Variants in TULP3 observed in about 807,000 individuals in gnomAD.
The protein encoded by TULP3 is TUB like protein 3.
In TULP3, 38 loss-of-function variants were observed where a neutral mutation model predicts 50.7. The observed-to-expected ratio is 0.75, with a 90% confidence interval of 0.58 to 0.98. The LOEUF is 0.98. Ranked by LOEUF, TULP3 falls within the 50% of genes least tolerant of loss-of-function variation. The pLI, the probability that TULP3 is intolerant of heterozygous loss-of-function variation, is 0.00. For synonymous variants in TULP3, 183 were observed against 196.6 expected, an observed-to-expected ratio of 0.93 and a Z score of 0.58; for missense variants, 550 against 568.0, an observed-to-expected ratio of 0.97 and a Z score of 0.32.
At chr12:2,930,928 C>A in intron 5 of TULP3, 109 bp from the exon 6 acceptor site, 1 of 1,190,340 alleles carries the variant, frequency 8.4e-7, no homozygotes, top group Non-Finnish European at 1.3e-6. Flanking sequence ...TGTCAGAAGA[C>A]TGAAGACACG....
At chr12:2,931,677 T>C (rs10774083) in intron 6 of TULP3, among the ~76,000 whole-genome samples, 72,107 of 151,584 alleles carry the variant, frequency 0.48, 17,555 homozygotes, top group African/African-American at 0.59. Flanking sequence ...CTAGAAGTTC[T>C]AATTTATTTT....
At chr12:2,913,399 G>A (rs1025299924) in intron 2 of TULP3, among the ~76,000 whole-genome samples, 50 of 151,516 alleles carry the variant, frequency 3.3e-4, no homozygotes, top group African/African-American at 1.2e-3. Context: ...AGGCATGCAC[G>A]ACCACACTTG....
rs781361120 is a variant in TULP3, at chr12:2,933,395, A to G, written c.697-23A>G. 9.1e-6 allele frequency: 14 copies of G among 1,538,408 alleles called. 1 individual carries two copies. Among genetic ancestry groups the G allele is most frequent in the Middle Eastern group, 3.4e-4 (2 of 5,952 alleles). ...GCAGGTTCTCTGGACTTCATTTTTG[A>G]CTGACACTTTTTCTTTTCCCAGATA... On this transcript the variant is annotated intron_variant, in intron 6 of 10. Transcript: ENST00000448120.
chr12:2,911,477 C>T (rs1390649226), intron 2 of TULP3, among the ~76,000 whole-genome samples: 1 of 151,548 alleles, frequency 6.6e-6, no homozygotes, highest in Non-Finnish European at 1.5e-5. Flanking sequence ...CTCAGCCTCC[C>T]AAGTAGCTAG....
At chr12:2,937,567 T>C (rs756837593) in intron 8 of TULP3, 64 bp from the exon 9 acceptor site, 7 of 1,147,950 alleles carry the variant, frequency 6.1e-6, no homozygotes, top group Admixed American at 2.0e-5. Context: ...TCTCATGTTA[T>C]AAAAGAATGT....
At chr12:2,915,912 A>G (rs1445923189) in intron 2 of TULP3, among the ~76,000 whole-genome samples, 2 of 152,274 alleles carry the variant, frequency 1.3e-5, no homozygotes, top group East Asian at 3.9e-4. Flanking sequence ...GTGGTTGGTC[A>G]GTCTGTTGGA....
chr12:2,935,287 T>C (rs1195095607), intron 8 of TULP3, among the ~76,000 whole-genome samples: 1 of 152,246 alleles, frequency 6.6e-6, no homozygotes, highest in Non-Finnish European at 1.5e-5. Context: ...TTTTCCTCTT[T>C]CTGGCCTTTT....
chr12:2,922,310 C>T lies in TULP3; in HGVS notation c.302C>T (p.Pro101Leu). ...AVLKPDEVHA[P>L]SVSSSVVEED... Reference sequence around the variant, plus strand: ...CTGAAACCAGACGAAGTTCATGCTCCATCAGTAAGCTCCTCTGTTGTGGAA... The same window carrying T: ...CTGAAACCAGACGAAGTTCATGCTCTATCAGTAAGCTCCTCTGTTGTGGAA... The change falls in exon 4 of 11, where the codon CCA (proline) becomes CTA (leucine). Residue 101 changes from proline to leucine, a missense_variant. Physicochemically the swap from Pro to Leu is moderately conservative, Grantham distance 98. Transcript: ENST00000448120. The T allele has an allele frequency of 1.2e-6, 2 of 1,614,100 alleles. No individual in the cohort carries two copies.
chr12:2,937,874 C>A, intron 9 of TULP3, 145 bp downstream of exon 9: 2 of 871,376 alleles, frequency 2.3e-6, no homozygotes, highest in Non-Finnish European at 3.5e-6. Flanking sequence ...AGGAAAGCTG[C>A]CCCTCCAAAA....
chr12:2,940,234 G>C lies in TULP3; in HGVS notation c.*790G>C. ...GCTATATGACTACGGATCCATTAGTGAGGAGCGACACACACACCTGTAGGC... is the reference window on the plus strand; with the variant it reads ...GCTATATGACTACGGATCCATTAGTCAGGAGCGACACACACACCTGTAGGC... On this transcript the variant is annotated 3_prime_UTR_variant, in exon 11 of 11. Coordinates refer to ENST00000448120, the MANE Select transcript of TULP3 (RefSeq NM_003324.5). 1 of 1,356,554 alleles carries C rather than the reference G, an allele frequency of 7.4e-7. No individual in the cohort carries two copies. Among genetic ancestry groups the C allele is most frequent in the South Asian group, 1.2e-5 (1 of 81,574 alleles). 84.0% of individuals were successfully genotyped at this position (1,356,554 alleles called of 1,614,324 possible).
At position 2,929,104 on chromosome 12, in the gene TULP3, G is replaced by T. The variant is rs560185434; in HGVS notation, c.395-1144G>T. ...TGGGCCGAGACGGGCGGATCACGAG[G>T]TCAGGAGATAGAGACCATCCTGGCT... is the stretch of plus-strand genomic sequence containing the variant. On this transcript the variant is annotated intron_variant, in intron 4 of 10. Coordinates refer to ENST00000448120, the MANE Select transcript of TULP3 (RefSeq NM_003324.5). Among the ~76,000 whole-genome samples the T allele has an allele frequency of 4.6e-5, 7 of 151,546 alleles. No homozygotes were observed. In the South Asian group the frequency reaches 1.5e-3, roughly 32 times the overall value.
intron 1 of TULP3, among the ~76,000 whole-genome samples, chr12:2,897,586 CATAGTG>C (rs973097623): frequency 1.1e-4 from 16 of 151,828 alleles, no homozygotes; most frequent in Non-Finnish European, 2.2e-4. Flanking sequence ...GCCTGGGCAA[CATAGTG>C]AGACCCCCTG....
At chr12:2,930,128 GT>G (rs1402525930) in intron 4 of TULP3, 119 bp from the exon 5 acceptor site, 2 of 677,618 alleles carry the variant, frequency 3.0e-6, no homozygotes, top group Admixed American at 3.0e-5. Context: ...GGACAAAATA[GT>G]TGTGTTTACG....
Position 2,939,238 on chromosome 12 carries a change from G to GAAGAAA in TULP3, c.1196-62_1196-57dup. 6.5e-7 allele frequency: 1 copy of GAAGAAA among 1,532,194 alleles called. No individual in the cohort carries two copies. Among genetic ancestry groups the GAAGAAA allele is most frequent in the Non-Finnish European group, 8.9e-7 (1 of 1,120,592 alleles). The allele number at this position is 1,532,194 out of a possible 1,614,324, so 94.9% of individuals were successfully genotyped here. The stretch of plus-strand genomic sequence containing the variant: ...AGAGCAAAACCCCATCTAAGAAAAG[G>GAAGAAA]AAGAAAAAGAAAAAGATTTCCCTGA... On this transcript the variant is annotated intron_variant, in intron 10 of 10. Transcript: ENST00000448120. The surrounding 1 kb of genome is among the most constrained non-coding windows in gnomAD (Gnocchi z 4.0).
intron 1 of TULP3, among the ~76,000 whole-genome samples, chr12:2,909,172 T>C (rs2098184025): frequency 1.3e-5 from 2 of 152,220 alleles, no homozygotes; most frequent in African/African-American, 4.8e-5. Context: ...CCTAGGGCTG[T>C]TTGAAAGAAT....
chr12:2,896,127 A>G (rs573166336), intron 1 of TULP3, among the ~76,000 whole-genome samples: 1 of 152,070 alleles, frequency 6.6e-6, no homozygotes, highest in African/African-American at 2.4e-5. Context: ...TTTAGTAGAA[A>G]CGGGGTTTTA....
At position 2,930,228 on chromosome 12, in the gene TULP3, A is replaced by C. The variant is rs754421628; in HGVS notation, c.395-20A>C. On this transcript the variant is annotated intron_variant, in intron 4 of 10. Coordinates refer to ENST00000448120, the MANE Select transcript of TULP3 (RefSeq NM_003324.5). ...TTTAAACAGTGTTGGCAGTGCTAAC[A>C]GTTCTTCCTTTTCTGCTAGATATCT... The C allele has an allele frequency of 6.4e-6, 10 of 1,568,124 alleles. No individual in the cohort carries two copies. Among genetic ancestry groups the C allele is most frequent in the Non-Finnish European group, 8.8e-6 (10 of 1,142,150 alleles).
At position 2,940,542 on chromosome 12, in the gene TULP3, C is replaced by A. The variant is rs760320907; in HGVS notation, c.*1098C>A. 1.3e-6 allele frequency: 2 copies of A among 1,550,056 alleles called. No homozygotes were observed. Among genetic ancestry groups the A allele is most frequent in the South Asian group, 2.4e-5 (2 of 83,796 alleles). On this transcript the variant is annotated 3_prime_UTR_variant, in exon 11 of 11. Transcript: ENST00000448120. ...TCACCCTTCCCAGAATGTATCCAAA[C>A]CTTGAGAATGCAGGAGCTCTGTGAG...
At chr12:2,929,490 T>C (rs1456703776) in intron 4 of TULP3, among the ~76,000 whole-genome samples, 1 of 152,166 alleles carries the variant, frequency 6.6e-6, no homozygotes, top group East Asian at 1.9e-4. Context: ...AAAAAAACTT[T>C]TTATGGAGAC....
Sources: gnomAD v4.1 joint callset for allele counts (sites outside exome capture counted in the v4.1 genomes callset) on GRCh38, gnomAD v4.1.1 for gene constraint, Gnocchi (gnomAD v3.1) non-coding constraint, MANE v1.5 for transcripts, NCBI Gene and HGNC (gene_info 2026-07-23, HGNC 2026-07-21) for gene names.